Variants in ING3 observed in about 807,000 individuals in gnomAD.
ING3 encodes inhibitor of growth protein 3.
ING3 carries 6 observed loss-of-function variants against 64.8 expected under a neutral mutation model. The ratio of observed to expected loss-of-function variants is 0.09; its 90% CI spans 0.05 to 0.18. The LOEUF (loss-of-function observed/expected upper bound fraction) is 0.18, where lower values mean the gene tolerates loss of function less well. Among genes scored for constraint, ING3 ranks in the 10% least tolerant of loss-of-function variants. The probability of loss-of-function intolerance (pLI) is 1.00; values close to 1 mark genes in which losing one functional copy is unlikely to be tolerated. For missense variants in ING3, 310 were observed against 489.7 expected, an observed-to-expected ratio of 0.63 and a Z score of 3.46; for synonymous variants, 170 against 173.7, an observed-to-expected ratio of 0.98 and a Z score of 0.17.
At chr7:120,969,940 C>T (rs1796045100) in intron 9 of ING3, among the ~76,000 whole-genome samples, 1 of 152,108 alleles carries the variant, frequency 6.6e-6, no homozygotes, top group Non-Finnish European at 1.5e-5. Flanking sequence ...ATTAATTCAT[C>T]TTAATGGTAC....
intron 3 of ING3, among the ~76,000 whole-genome samples, chr7:120,955,318 G>A (rs548640645): frequency 6.6e-6 from 1 of 152,160 alleles, no homozygotes; most frequent in South Asian, 2.1e-4. Flanking sequence ...TAGTAGAGAT[G>A]AGGTTTTGTC....
chr7:120,950,859 C>A lies in ING3; in HGVS notation c.-38C>A, dbSNP rs766082833. On this transcript the variant is annotated 5_prime_UTR_variant, in exon 1 of 12. Transcript: ENST00000315870. ...GCGACAGCGAGTGACACAAATAAAC[C>A]CCTGGACCCCCTTGTTCCCTCAGCT... is the stretch of plus-strand genomic sequence containing the variant. 5.4e-5 allele frequency: 87 copies of A among 1,610,138 alleles called. No homozygotes were observed. The highest frequency in any genetic ancestry group is 7.2e-5 in the Non-Finnish European group (85 of 1,177,950).
At position 120,969,486 on chromosome 7, in the gene ING3, A is replaced by G. The variant is rs540514781; in HGVS notation, c.908+282A>G. 2.0e-5 allele frequency among the ~76,000 whole-genome samples: 3 copies of G among 151,920 alleles called. No homozygotes were observed. The South Asian group carries it at 6.2e-4, about 32-fold the overall frequency. On this transcript the variant is annotated intron_variant, in intron 9 of 11. Coordinates refer to ENST00000315870, the MANE Select transcript of ING3 (RefSeq NM_019071.3). Reference sequence around the variant, plus strand: ...TTTATTCATTAAGATAAATCATTTTATGGAACTGCTTTTCATTTATTACCC... The same window carrying G: ...TTTATTCATTAAGATAAATCATTTTGTGGAACTGCTTTTCATTTATTACCC...
rs1177464969 is a variant in ING3 at position 120,974,907 on chromosome 7, A to G, written c.*63A>G. 1 of 1,142,476 alleles carries G rather than the reference A, an allele frequency of 8.8e-7. No homozygotes were observed. The highest frequency in any genetic ancestry group is 1.3e-6 in the Non-Finnish European group (1 of 785,542). The allele number at this position is 1,142,476 out of a possible 1,614,324, so 70.8% of individuals were successfully genotyped here. ...CTGAAGATTTTATATAGGACTTTAA[A>G]AAGAAGAGAAGAGAAAGAAGAAACA... On this transcript the variant is annotated 3_prime_UTR_variant, in exon 12 of 12. Transcript: ENST00000315870.
At chr7:120,969,395 A>C (rs1356017234) in intron 9 of ING3, among the ~76,000 whole-genome samples, 191 bp downstream of exon 9, 1 of 152,176 alleles carries the variant, frequency 6.6e-6, no homozygotes, top group African/African-American at 2.4e-5. Flanking sequence ...AAAGTGTTAG[A>C]GTTGTTTTTA....
At chr7:120,970,582 T>G in intron 9 of ING3, 106 bp from the exon 10 acceptor site, 1 of 1,173,460 alleles carries the variant, frequency 8.5e-7, no homozygotes, top group Admixed American at 2.4e-5. Context: ...AGCTTACACT[T>G]TAATTTATAC....
chr7:120,961,678 T>C (rs1048375974), intron 4 of ING3, among the ~76,000 whole-genome samples: 16 of 152,322 alleles, frequency 1.1e-4, no homozygotes, highest in African/African-American at 3.8e-4. Context: ...GCTATGATCA[T>C]GAGTGTGTTA....
chr7:120,963,595 C>T (rs145008309), intron 4 of ING3, among the ~76,000 whole-genome samples: 179 of 152,148 alleles, frequency 1.2e-3, no homozygotes, highest in Middle Eastern at 6.8e-3. Flanking sequence ...GTAACCCTTC[C>T]GAGCCTTAAT....
chr7:120,958,535 T>C (rs933125888), intron 4 of ING3, among the ~76,000 whole-genome samples: 14 of 152,210 alleles, frequency 9.2e-5, no homozygotes, highest in African/African-American at 3.4e-4. Context: ...CTGCCTCTGA[T>C]ACTTCTTGCG....
At chr7:120,951,533 T>C (rs1024754807) in intron 2 of ING3, among the ~76,000 whole-genome samples, 1 of 152,240 alleles carries the variant, frequency 6.6e-6, no homozygotes, top group Non-Finnish European at 1.5e-5. Context: ...TATGTTTCAA[T>C]GGACGTCAGC....
intron 3 of ING3, 25 bp from the exon 4 acceptor site, chr7:120,955,534 T>C (rs1325100131): frequency 6.6e-7 from 1 of 1,509,094 alleles, no homozygotes; most frequent in East Asian, 2.3e-5. Flanking sequence ...TAATTTATTT[T>C]TGAAATGAAA....
rs576049787 is a variant in ING3, at chr7:120,956,076, T to C, written c.267+452T>C. The C allele has an allele frequency of 1.7e-5, 15 of 868,884 alleles. No individual in the cohort carries two copies. The African/African-American group carries it at 2.1e-4, about 12-fold the overall frequency. 53.8% of individuals were successfully genotyped at this position (868,884 alleles called of 1,614,324 possible). ...TTTGAATCAGTGTTTATGTGAGTGA[T>C]GTTAAAAGATCGTATGTAACAGCTG... is the stretch of plus-strand genomic sequence containing the variant. On this transcript the variant is annotated intron_variant, in intron 4 of 11. Coordinates refer to ENST00000315870, the MANE Select transcript of ING3 (RefSeq NM_019071.3).
At position 120,970,882 on chromosome 7, in the gene ING3, TA is replaced by T; in HGVS notation, c.1101+6del. ...CCTCGATACTGCATTTGTAATCAGG[TA>T]AAAGTCTGTTATATCTATAAAAGTA... On this transcript the variant is annotated splice_donor_region_variant and intron_variant, in intron 10 of 11. Transcript: ENST00000315870. 6.4e-7 allele frequency: 1 copy of T among 1,558,952 alleles called. No individual in the cohort carries two copies. The highest frequency in any genetic ancestry group is 2.2e-5 in the East Asian group (1 of 44,568).
At chr7:120,968,875 C>T in intron 8 of ING3, 136 bp from the exon 9 acceptor site, 1 of 394,174 alleles carries the variant, frequency 2.5e-6, no homozygotes, top group South Asian at 4.5e-5. Flanking sequence ...AGCTTAAATT[C>T]CAGTGATGAA....
rs945420772 is a variant in ING3 at position 120,975,620 on chromosome 7, A to G, written c.*776A>G. The G allele has an allele frequency of 2.0e-5, 3 of 152,140 alleles. No individual in the cohort carries two copies. The highest frequency in any genetic ancestry group is 2.1e-4 in the South Asian group (1 of 4,832). The allele number at this position is 152,140 out of a possible 1,614,324, so 9.4% of individuals were successfully genotyped here. ...TGTGCAAGTAATCCTTAAAATTGCAATTGTATTAGGTGTTAAAATAAAGTT... is the reference window on the plus strand; with the variant it reads ...TGTGCAAGTAATCCTTAAAATTGCAGTTGTATTAGGTGTTAAAATAAAGTT... On this transcript the variant is annotated 3_prime_UTR_variant, in exon 12 of 12. Transcript: ENST00000315870.
At chr7:120,953,951 G>A (rs187025923) in intron 3 of ING3, among the ~76,000 whole-genome samples, 9 of 152,102 alleles carry the variant, frequency 5.9e-5, no homozygotes, top group East Asian at 1.9e-4. Context: ...GAGTATACAC[G>A]TACATCTCAA....
chr7:120,957,403 G>A (rs1027413154), intron 4 of ING3, among the ~76,000 whole-genome samples: 1 of 151,994 alleles, frequency 6.6e-6, no homozygotes. Context: ...ACTAGAAATG[G>A]CTCTTGTCCT....
At chr7:120,952,163 A>G (rs906443397) in intron 2 of ING3, among the ~76,000 whole-genome samples, 46 of 152,332 alleles carry the variant, frequency 3.0e-4, no homozygotes, top group African/African-American at 1.1e-3. Flanking sequence ...GCTATCTCAC[A>G]AATTCATTTT....
intron 4 of ING3, among the ~76,000 whole-genome samples, chr7:120,958,604 T>C (rs1290155276): frequency 6.6e-6 from 1 of 152,244 alleles, no homozygotes. Flanking sequence ...CTGGTTGAGC[T>C]CTTGACCACT....
Sources: gnomAD v4.1 joint callset for allele counts (sites outside exome capture counted in the v4.1 genomes callset) on GRCh38, gnomAD v4.1.1 for gene constraint, MANE v1.5 for transcripts, NCBI Gene and HGNC (gene_info 2026-07-23, HGNC 2026-07-21) for gene names.